ITFG1: variants seen among roughly 807,000 people sequenced by gnomAD.
The protein encoded by ITFG1 is integrin alpha FG-GAP repeat containing 1.
A neutral mutation model predicts 81.8 loss-of-function variants in ITFG1; 34 were observed. The observed-to-expected ratio is 0.42, with a 90% CI of 0.32 to 0.55. ITFG1 has a LOEUF of 0.55. Ranked by LOEUF, ITFG1 falls within the 20% of genes least tolerant of loss-of-function variation. The probability of loss-of-function intolerance (pLI) is 0.17; values close to 1 mark genes in which losing one functional copy is unlikely to be tolerated. For missense variants in ITFG1, 672 were observed against 755.4 expected, an observed-to-expected ratio of 0.89 and a Z score of 1.29; for synonymous variants, 285 against 270.6, an observed-to-expected ratio of 1.05 and a Z score of -0.52.
intron 6 of ITFG1, among the ~76,000 whole-genome samples, chr16:47,414,665 T>C (rs114437815): frequency 1.2e-4 from 19 of 152,340 alleles, no homozygotes; most frequent in African/African-American, 4.6e-4. Flanking sequence ...ATCACAATTC[T>C]ATACACAATT....
chr16:47,199,271 C>CAAACCAAACA (rs1965395889), intron 14 of ITFG1, among the ~76,000 whole-genome samples: 1 of 151,654 alleles, frequency 6.6e-6, no homozygotes, highest in Non-Finnish European at 1.5e-5. Context: ...CAAAAAAACC[C>CAAACCAAACA]AAACCAAACC....
intron 8 of ITFG1, among the ~76,000 whole-genome samples, chr16:47,347,437 T>C (rs1192199398): frequency 1.3e-5 from 2 of 152,268 alleles, no homozygotes; most frequent in Non-Finnish European, 2.9e-5. Flanking sequence ...GCATGGGGCC[T>C]TGCTCATTGC....
chr16:47,274,740 T>C (rs1270680801), intron 10 of ITFG1, among the ~76,000 whole-genome samples: 3 of 152,000 alleles, frequency 2.0e-5, no homozygotes, highest in Admixed American at 6.6e-5. Context: ...TATCCTTATA[T>C]AGACGTAACA....
intron 10 of ITFG1, among the ~76,000 whole-genome samples, chr16:47,267,992 A>G (rs1966296592): frequency 6.6e-6 from 1 of 152,060 alleles, no homozygotes; most frequent in Non-Finnish European, 1.5e-5. Flanking sequence ...AAAATAGAAG[A>G]GCAAATAAAA....
intron 10 of ITFG1, among the ~76,000 whole-genome samples, chr16:47,301,639 G>A (rs920560804): frequency 2.0e-5 from 3 of 152,054 alleles, no homozygotes; most frequent in African/African-American, 7.2e-5. Context: ...CAAGTGATCC[G>A]TCCACCTCAG....
At chr16:47,290,557 A>T (rs536522338) in intron 10 of ITFG1, among the ~76,000 whole-genome samples, 4 of 152,130 alleles carry the variant, frequency 2.6e-5, no homozygotes, top group Non-Finnish European at 5.9e-5. Flanking sequence ...CAATCATTAT[A>T]TAATAATTAC....
At chr16:47,367,282 T>C (rs1312009007) in intron 7 of ITFG1, among the ~76,000 whole-genome samples, 4 of 152,218 alleles carry the variant, frequency 2.6e-5, no homozygotes, top group Non-Finnish European at 5.9e-5. Flanking sequence ...CTAGTTCTTT[T>C]AGGTTTTTAT....
intron 11 of ITFG1, among the ~76,000 whole-genome samples, chr16:47,260,134 T>G (rs1213112378): frequency 6.6e-6 from 1 of 151,758 alleles, no homozygotes; most frequent in African/African-American, 2.4e-5. Flanking sequence ...AGACGGGGTT[T>G]CTCTGTGTTA....
chr16:47,203,617 T>C (rs1009003490), intron 14 of ITFG1, among the ~76,000 whole-genome samples: 4 of 152,186 alleles, frequency 2.6e-5, no homozygotes, highest in African/African-American at 4.8e-5. Context: ...ATAGGGTTCA[T>C]GGTCCTGTGA....
chr16:47,378,378 ATAT>A (rs1968353743), intron 6 of ITFG1, among the ~76,000 whole-genome samples: 1 of 152,234 alleles, frequency 6.6e-6, no homozygotes, highest in African/African-American at 2.4e-5. Flanking sequence ...CTGTGACCAC[ATAT>A]GGTTAAGATA....
At chr16:47,204,179 C>G (rs1965463053) in intron 14 of ITFG1, among the ~76,000 whole-genome samples, 1 of 152,040 alleles carries the variant, frequency 6.6e-6, no homozygotes, top group East Asian at 1.9e-4. Context: ...CATTTTTATC[C>G]CCAGTAAAAT....
chr16:47,405,742 ACAAATGGTAGTTATTATTCT>A (rs1229391175), intron 6 of ITFG1, among the ~76,000 whole-genome samples: 4 of 152,146 alleles, frequency 2.6e-5, no homozygotes, highest in African/African-American at 9.7e-5. Context: ...TAAATGCTCA[ACAAATGGTAGTTATTATTCT>A]CATTATTTAT....
At chr16:47,254,316 G>T (rs967013344) in intron 12 of ITFG1, among the ~76,000 whole-genome samples, 1 of 152,054 alleles carries the variant, frequency 6.6e-6, no homozygotes, top group African/African-American at 2.4e-5. Context: ...ATTTCTAAAT[G>T]ATCAATATAA....
chr16:47,433,935 G>C lies in ITFG1; in HGVS notation c.561-5037C>G, dbSNP rs1432677323. On this transcript the variant is annotated intron_variant, in intron 5 of 17. Transcript: ENST00000320640. ...GTCAATAAGAACTAAAGTGTTAATA[G>C]GTTTATAGTTGAAAGTAATATTCAT... 3.4e-5 allele frequency among the ~76,000 whole-genome samples: 4 copies of C among 116,744 alleles called. No individual in the cohort carries two copies. In the East Asian group the frequency reaches 1.1e-3, roughly 33 times the overall value. The allele number at this position is 116,744 out of a possible 152,430, so 76.6% of individuals were successfully genotyped here.
chr16:47,351,993 A>G (rs995676882), intron 8 of ITFG1, among the ~76,000 whole-genome samples: 4 of 152,192 alleles, frequency 2.6e-5, no homozygotes, highest in Non-Finnish European at 5.9e-5. Flanking sequence ...TGCTGGGAAA[A>G]CTGGCTAGCC....
chr16:47,373,469 C>A (rs192868849), intron 7 of ITFG1, among the ~76,000 whole-genome samples: 1 of 151,998 alleles, frequency 6.6e-6, no homozygotes, highest in African/African-American at 2.4e-5. Context: ...TTAGTAGAGA[C>A]GGGGTTTCAC....
chr16:47,341,296 C>T (rs1167989470), intron 8 of ITFG1, among the ~76,000 whole-genome samples: 3 of 146,496 alleles, frequency 2.0e-5, no homozygotes, highest in Non-Finnish European at 4.5e-5. Flanking sequence ...ATAAAATTAG[C>T]CAGGTGTGGT....
chr16:47,230,356 G>A (rs1445549548), intron 13 of ITFG1, among the ~76,000 whole-genome samples: 1 of 152,174 alleles, frequency 6.6e-6, no homozygotes, highest in African/African-American at 2.4e-5. Context: ...AGCGGCATAA[G>A]CTCAAAGGCT....
intron 10 of ITFG1, among the ~76,000 whole-genome samples, chr16:47,283,452 T>C (rs1163589912): frequency 6.6e-6 from 1 of 152,210 alleles, no homozygotes; most frequent in African/African-American, 2.4e-5. Context: ...TGTCTATTTT[T>C]ATAGCAATAC....
Sources: gnomAD v4.1 joint callset for allele counts (sites outside exome capture counted in the v4.1 genomes callset) on GRCh38, gnomAD v4.1.1 for gene constraint, MANE v1.5 for transcripts, NCBI Gene and HGNC (gene_info 2026-07-23, HGNC 2026-07-21) for gene names.